Variants in CTU2 observed in about 807,000 individuals in gnomAD.
CTU2 encodes cytosolic thiouridylase subunit 2, also known as cytoplasmic tRNA 2-thiolation protein 2.
Under a neutral mutation model 64.1 loss-of-function variants are expected in CTU2, and 80 were observed. That is an observed-to-expected ratio of 1.25 (90% confidence interval 1.04 to 1.50). The LOEUF (loss-of-function observed/expected upper bound fraction) is 1.50. CTU2 is among the 40% of genes most tolerant of loss of function. The probability of loss-of-function intolerance (pLI) is 0.00; values close to 1 mark genes in which losing one functional copy is unlikely to be tolerated. For synonymous variants in CTU2, 482 were observed against 285.3 expected (o/e 1.69, Z -6.95); for missense variants, 1,110 against 690.2 (o/e 1.61, Z -6.81).
intron 10 of CTU2, 42 bp from the exon 11 acceptor site, chr16:88,714,341 A>C (rs1911684708): frequency 1.2e-6 from 2 of 1,608,326 alleles, no homozygotes; most frequent in Non-Finnish European, 1.7e-6. Context: ...GTGGAGCCCC[A>C]GCCCGTGTGA....
At chr16:88,709,027 C>T (rs1911117505) in intron 2 of CTU2, 1 of 152,230 alleles carries the variant, frequency 6.6e-6, no homozygotes. Flanking sequence ...GGAATCTCAG[C>T]ACTCTGGGAG....
At chr16:88,710,721 C>A (rs1342918949) in intron 4 of CTU2, 2 of 175,340 alleles carry the variant, frequency 1.1e-5, no homozygotes, top group Non-Finnish European at 2.4e-5. Flanking sequence ...TGCGTAGAAA[C>A]ACAGTCAGTG....
chr16:88,712,587 C>A, intron 6 of CTU2, 35 bp from the exon 7 acceptor site: 2 of 1,597,368 alleles, frequency 1.3e-6, no homozygotes, highest in South Asian at 1.1e-5. Context: ...CTGCCCGTGT[C>A]CCGGGCCTCA....
In CTU2 at chr16:88,715,033, C is replaced by T. The variant is rs190598648; in HGVS notation, c.1420-15C>T. On this transcript the variant is annotated splice_polypyrimidine_tract_variant and intron_variant, in intron 13 of 14. Coordinates refer to ENST00000453996, the MANE Select transcript of CTU2 (RefSeq NM_001012759.3). ...GGCAGGTTTCTTGGCCCCTCGACAC[C>T]GGCCTCTGTTGCAGCCCTCACTGGA... 286 of 1,577,188 alleles carry T rather than the reference C, an allele frequency of 1.8e-4. No individual in the cohort carries two copies. The highest frequency in any genetic ancestry group is 8.4e-4 in the Middle Eastern group (5 of 5,924).
At position 88,714,614 on chromosome 16, in the gene CTU2, CCT is replaced by C. The variant is rs1911738456; in HGVS notation, c.1231_1232del (p.Ser411LeufsTer14). 4 of 1,612,498 alleles carry C rather than the reference CCT, an allele frequency of 2.5e-6. No individual in the cohort carries two copies. The highest frequency in any genetic ancestry group is 3.4e-6 in the Non-Finnish European group (4 of 1,179,900). On this transcript the variant is annotated frameshift_variant, in exon 12 of 15. Coordinates refer to ENST00000453996, the MANE Select transcript of CTU2 (RefSeq NM_001012759.3). LOFTEE classifies it high-confidence loss of function. ...AGTGCCACGGCTTTTGGGGCTCAGA[CCT>C]CCTCGCGTCTCTCCCAGATGCAGTC...
chr16:88,711,680 G>A lies in CTU2; in HGVS notation c.328G>A (p.Val110Ile). 8.7e-6 allele frequency: 14 copies of A among 1,608,786 alleles called. No individual in the cohort carries two copies. Among genetic ancestry groups the A allele is most frequent in the Non-Finnish European group, 1.2e-5 (14 of 1,176,762 alleles). ...CAAAAGACTGCGCTTTGTGGCAGGAGTCATCTTTGTTGACGGTATGTGGGG... is the reference window on the plus strand; with the variant it reads ...CAAAAGACTGCGCTTTGTGGCAGGAATCATCTTTGTTGACGGTATGTGGGG... ...SAKRLRFVAGVIFVDEGAACG... is the reference protein window; with the variant it reads ...SAKRLRFVAGIIFVDEGAACG... Residue 110 changes from valine to isoleucine, a missense_variant, in exon 5 of 15, where the codon GTC becomes ATC. Physicochemically the swap from Val to Ile is conservative, Grantham distance 29 (BLOSUM62 3). Coordinates refer to ENST00000453996, the MANE Select transcript of CTU2 (RefSeq NM_001012759.3).
chr16:88,708,108 C>A (rs1597422448), intron 2 of CTU2, among the ~76,000 whole-genome samples: 1 of 152,234 alleles, frequency 6.6e-6, no homozygotes, highest in African/African-American at 2.4e-5. Flanking sequence ...GCCACCACAC[C>A]TGGCCAAGAT....
chr16:88,713,717 T>TC lies in CTU2; in HGVS notation c.945dup (p.Ala316ArgfsTer23). On this transcript the variant is annotated frameshift_variant, in exon 9 of 15. Transcript: ENST00000453996. LOFTEE classifies it high-confidence loss of function. ...ATGCGGGACCACACCCTGAAGGAGGTCGCTTTCTACAACCGCCTGTTCTCC... is the reference window on the plus strand; with the variant it reads ...ATGCGGGACCACACCCTGAAGGAGGTCCGCTTTCTACAACCGCCTGTTCTCC... The TC allele has an allele frequency of 6.2e-7, 1 of 1,612,312 alleles. No homozygotes were observed. The highest frequency in any genetic ancestry group is 8.5e-7 in the Non-Finnish European group (1 of 1,179,798).
Position 88,706,618 on chromosome 16 carries a change from C to G in CTU2, c.68+20C>G, listed in dbSNP as rs554371052. 1.9e-4 allele frequency: 266 copies of G among 1,384,414 alleles called. 2 individuals carry two copies. In the African/African-American group the frequency reaches 3.7e-3, roughly 19 times the overall value. 85.8% of individuals were successfully genotyped at this position (1,384,414 alleles called of 1,614,324 possible). The stretch of plus-strand genomic sequence containing the variant: ...GCCCAGGTAAGAGCTGGCGGCCGGA[C>G]CCGCCAGGCCGCCCCTCGCCTTCCC... On this transcript the variant is annotated intron_variant, in intron 1 of 14. Transcript: ENST00000453996.
In CTU2 at chr16:88,712,393, C is replaced by T. The variant is rs771073287; in HGVS notation, c.453+10C>T. Reference sequence around the variant, plus strand: ...GGTGGCCTTAGAGGAGGTGGGAGGGCTGTCCCTGGAAAGGGGTCCCGGAGG... The same window carrying T: ...GGTGGCCTTAGAGGAGGTGGGAGGGTTGTCCCTGGAAAGGGGTCCCGGAGG... On this transcript the variant is annotated intron_variant, in intron 6 of 14. Transcript: ENST00000453996. 2.5e-6 allele frequency: 4 copies of T among 1,589,248 alleles called. No individual in the cohort carries two copies. The highest frequency in any genetic ancestry group is 3.4e-6 in the Non-Finnish European group (4 of 1,165,164).
intron 5 of CTU2, 146 bp downstream of exon 5, chr16:88,711,841 C>A: frequency 1.4e-6 from 1 of 716,828 alleles, no homozygotes; most frequent in Non-Finnish European, 2.3e-6. Context: ...GCACTGAGGG[C>A]CTGGTGGGGA....
At position 88,712,779 on chromosome 16, in the gene CTU2, C is replaced by T. The variant is rs141967170; in HGVS notation, c.611C>T (p.Pro204Leu). The T allele has an allele frequency of 1.2e-3, 1,932 of 1,608,140 alleles. 3 individuals carry two copies. Among genetic ancestry groups the T allele is most frequent in the Non-Finnish European group, 1.5e-3 (1,755 of 1,177,990 alleles). The change falls in exon 7 of 15, where the codon CCC becomes CTC. Residue 204 changes from proline (P) to leucine (L), a missense_variant. Physicochemically the swap from Pro to Leu is moderately conservative, Grantham distance 98. Coordinates refer to ENST00000453996, the MANE Select transcript of CTU2 (RefSeq NM_001012759.3). ...CCGACTCAAGGGGAGGAACAGCCAC[C>T]CCAGCCCCCGCTGGACCCCCAGAAC... ...PGPTQGEEQP[P>L]QPPLDPQNLA... is the part of the protein sequence containing the mutation.
Position 88,706,584 on chromosome 16 carries a change from G to A in CTU2, c.54G>A (p.Pro18=), listed in dbSNP as rs1017267553. 6.9e-7 allele frequency: 1 copy of A among 1,453,208 alleles called. No individual in the cohort carries two copies. The highest frequency in any genetic ancestry group is 9.0e-7 in the Non-Finnish European group (1 of 1,109,778). The allele number at this position is 1,453,208 out of a possible 1,614,324, so 90.0% of individuals were successfully genotyped here. ...AGCCGGCGCCTGAGGAGCCGCCCCC[G>A]GCGCCGCGGCCCAGGTAAGAGCTGG... The part of the protein sequence containing the change: ...YGEPAPEEPP[P]APRPSREQKC... The change falls in exon 1 of 15, where the codon CCG becomes CCA. Residue 18 remains proline (P), a synonymous_variant. Coordinates refer to ENST00000453996, the MANE Select transcript of CTU2 (RefSeq NM_001012759.3).
At position 88,714,663 on chromosome 16, in the gene CTU2, C is replaced by G; in HGVS notation, c.1278C>G (p.Thr426=). The G allele has an allele frequency of 1.2e-6, 2 of 1,612,456 alleles. No individual in the cohort carries two copies. The highest frequency in any genetic ancestry group is 1.7e-6 in the Non-Finnish European group (2 of 1,179,834). The change falls in exon 12 of 15, where the codon ACC becomes ACG. Residue 426 remains threonine, a synonymous_variant. Transcript: ENST00000453996. ...QMQSPIPLTE[T]RTPPGPCCSP... ...AGTCACCCATCCCCCTGACTGAGAC[C>G]CGGACACCCCCGGGGCCCTGCTGTT...
rs1156579441 is a variant in CTU2, at chr16:88,707,342, C to T, written c.143+132C>T. 14 of 849,514 alleles carry T rather than the reference C, an allele frequency of 1.6e-5. 1 individual carries two copies. Among genetic ancestry groups the T allele is most frequent in the South Asian group, 1.1e-4 (7 of 65,984 alleles). 52.6% of individuals were successfully genotyped at this position (849,514 alleles called of 1,614,324 possible). The stretch of plus-strand genomic sequence containing the variant: ...CTTTATTCCTGCTCCTGATGGGGTC[C>T]CTCGTGCCCCTGGTGTTGAAGTGGA... On this transcript the variant is annotated intron_variant, in intron 2 of 14. Transcript: ENST00000453996.
In CTU2 at chr16:88,712,690, C is replaced by T. The variant is rs76614176; in HGVS notation, c.522C>T (p.Tyr174=). 1,408 of 1,610,532 alleles carry T rather than the reference C, an allele frequency of 8.7e-4. 10 individuals are homozygous for T. In the African/African-American group the frequency reaches 0.016, roughly 19 times the overall value. Reference sequence around the variant, plus strand: ...AGCTGGTGGGATCCGAGGGGGCCTACAAGGCGGCCGTGGACAGCTTCCTCC... The same window carrying T: ...AGCTGGTGGGATCCGAGGGGGCCTATAAGGCGGCCGTGGACAGCTTCCTCC... ...AQELVGSEGA[Y]KAAVDSFLQQ... The change falls in exon 7 of 15, where the codon TAC becomes TAT. Residue 174 remains tyrosine, a synonymous_variant. Coordinates refer to ENST00000453996, the MANE Select transcript of CTU2 (RefSeq NM_001012759.3).
Position 88,713,301 on chromosome 16 carries a change from C to G in CTU2, c.738-11C>G, listed in dbSNP as rs775535466. 4.4e-6 allele frequency: 7 copies of G among 1,590,536 alleles called. No individual in the cohort carries two copies. Among genetic ancestry groups the G allele is most frequent in the Admixed American group, 1.7e-5 (1 of 57,976 alleles). On this transcript the variant is annotated splice_polypyrimidine_tract_variant and intron_variant, in intron 7 of 14. Transcript: ENST00000453996. ...GCACCCCCCAGGCCCCTGAGACGCT[C>G]TGTGCTTTAGGACCCACCTGATCCT...
intron 1 of CTU2, chr16:88,706,860 C>G (rs1910890328): frequency 1.8e-6 from 1 of 558,614 alleles, no homozygotes; most frequent in Admixed American, 3.0e-5. Flanking sequence ...AGAACTGGTG[C>G]CGTGAAGCTG....
chr16:88,713,759 C>T lies in CTU2; in HGVS notation c.986C>T (p.Thr329Ile), dbSNP rs184374781. ...CTGTTCTCCGTTCCTTCTGTCTTCA[C>T]ACCAGCCGTCGACACCAAGGTGGGC... ...NRLFSVPSVF[T>I]PAVDTKAPEK... Residue 329 changes from threonine (T) to isoleucine (I), a missense_variant, in exon 9 of 15, where the codon ACA becomes ATA. Thr to Ile is a moderately conservative substitution (Grantham distance 89). Coordinates refer to ENST00000453996, the MANE Select transcript of CTU2 (RefSeq NM_001012759.3). 3.6e-5 allele frequency: 58 copies of T among 1,612,716 alleles called. No homozygotes were observed. The highest frequency in any genetic ancestry group is 3.1e-4 in the East Asian group (14 of 44,874).
Sources: allele counts gnomAD v4.1 joint callset (sites outside exome capture counted in the v4.1 genomes callset), GRCh38; gene constraint gnomAD v4.1.1; transcripts MANE v1.5; gene names NCBI Gene and HGNC (gene_info 2026-07-23, HGNC 2026-07-21).